RPH3A: variants seen among roughly 807,000 people sequenced by gnomAD.
RPH3A encodes rabphilin 3A, also known as rabphilin-3A.
In RPH3A, 48 loss-of-function variants were observed where a neutral mutation model predicts 102.2. The observed-to-expected ratio is 0.47, with a 90% confidence interval of 0.37 to 0.60. The LOEUF (loss-of-function observed/expected upper bound fraction) is 0.60, where lower values mean the gene tolerates loss of function less well. Among genes scored for constraint, RPH3A ranks in the 20% least tolerant of loss-of-function variants. RPH3A has a pLI of 0.00. For missense variants in RPH3A, 781 were observed against 910.1 expected, an observed-to-expected ratio of 0.86 and a Z score of 1.83; for synonymous variants, 310 against 324.3, an observed-to-expected ratio of 0.96 and a Z score of 0.47.
chr12:112,607,425 A>G (rs865783628), intron 1 of RPH3A, among the ~76,000 whole-genome samples: 1 of 152,346 alleles, frequency 6.6e-6, no homozygotes, highest in Middle Eastern at 3.4e-3. Context: ...ATTTATGTAC[A>G]TAATTACCCG....
chr12:112,840,497 A>T (rs2042123710), intron 4 of RPH3A, among the ~76,000 whole-genome samples: 2 of 152,112 alleles, frequency 1.3e-5, no homozygotes, highest in Non-Finnish European at 2.9e-5. Context: ...CTGGAAATGC[A>T]AATTCTCAAG....
chr12:112,740,031 T>G (rs2040697940), intron 1 of RPH3A, among the ~76,000 whole-genome samples: 2 of 152,156 alleles, frequency 1.3e-5, no homozygotes, highest in African/African-American at 4.8e-5. Flanking sequence ...GCTCCCTCCT[T>G]ACCCATGTAA....
intron 2 of RPH3A, among the ~76,000 whole-genome samples, chr12:112,821,666 A>G (rs967490764): frequency 2.0e-5 from 3 of 152,100 alleles, no homozygotes; most frequent in African/African-American, 7.2e-5. Flanking sequence ...CTTCCCCCCA[A>G]GTTCCCAATC....
intron 1 of RPH3A, among the ~76,000 whole-genome samples, chr12:112,589,154 G>A (rs113878734): frequency 0.014 from 2,153 of 151,692 alleles, 46 homozygotes; most frequent in African/African-American, 0.05. Flanking sequence ...GAGAGATGAG[G>A]CTGGAGGGGG....
At chr12:112,717,795 T>G (rs2040524230) in intron 1 of RPH3A, among the ~76,000 whole-genome samples, 1 of 152,080 alleles carries the variant, frequency 6.6e-6, no homozygotes, top group African/African-American at 2.4e-5. Context: ...TATGTTTAAC[T>G]TTATCACAAA....
rs911269904 is a variant in RPH3A at position 112,618,004 on chromosome 12, T to C, written c.-140+42685T>C. The stretch of plus-strand genomic sequence containing the variant: ...GTTCTACCTCTGGCATTTATCCTTT[T>C]GGAGTACTTTCTACATTTATGTATA... On this transcript the variant is annotated intron_variant, in intron 1 of 21. Transcript: ENST00000543106. 1.1e-4 allele frequency among the ~76,000 whole-genome samples: 16 copies of C among 152,364 alleles called. 1 individual carries two copies. The highest frequency in any genetic ancestry group is 3.6e-4 in the African/African-American group (15 of 41,576).
Position 112,678,300 on chromosome 12 carries a change from A to C in RPH3A, c.-140+102981A>C. 2.3e-5 allele frequency among the ~76,000 whole-genome samples: 2 copies of C among 88,188 alleles called. 1 individual carries two copies. Among genetic ancestry groups the C allele is most frequent in the Non-Finnish European group, 4.7e-5 (2 of 42,726 alleles). The allele number at this position is 88,188 out of a possible 152,430, so 57.9% of individuals were successfully genotyped here. ...AAGAAAGAAAGAAAGAAAGAAAGAA[A>C]GAAAGAGAGAGAGAGAGAAAGAAAG... On this transcript the variant is annotated intron_variant, in intron 1 of 21. Transcript: ENST00000543106.
At position 112,875,093 on chromosome 12, in the gene RPH3A, G is replaced by A. The variant is rs373497170; in HGVS notation, c.806G>A (p.Arg269Gln). The change falls in exon 11 of 22, where the codon CGG becomes CAG. Residue 269 changes from arginine to glutamine, a missense_variant. Physicochemically the swap from Arg to Gln is conservative, Grantham distance 43. Around this residue, in one of 2 missense-constraint regions of RPH3A, gnomAD observed 730 missense variants for 810.0 expected, o/e 0.90. Coordinates refer to ENST00000389385, the MANE Select transcript of RPH3A (RefSeq NM_001143854.2). ...DSSRSPAGLR[R>Q]ANSVQASRPA... The stretch of plus-strand genomic sequence containing the variant: ...TTTCTTTCCTCTGCAGGTTTGAGAC[G>A]GGCCAACTCAGTCCAGGCCTCCAGA... The A allele has an allele frequency of 4.2e-4, 680 of 1,608,248 alleles. 1 individual carries two copies. Among genetic ancestry groups the A allele is most frequent in the Non-Finnish European group, 4.7e-4 (548 of 1,177,930 alleles).
chr12:112,592,273 T>G (rs191068934), intron 1 of RPH3A, among the ~76,000 whole-genome samples: 249 of 152,244 alleles, frequency 1.6e-3, no homozygotes, highest in Middle Eastern at 6.8e-3. Flanking sequence ...AACAAATAGA[T>G]TAAAATTAAA....
chr12:112,788,049 A>C (rs554937636), upstream of RPH3A, among the ~76,000 whole-genome samples: 2 of 152,330 alleles, frequency 1.3e-5, no homozygotes, highest in Non-Finnish European at 2.9e-5. Context: ...TCCCTGCTGC[A>C]GTGCCACAGG....
chr12:112,729,064 A>C (rs566885490), intron 1 of RPH3A, among the ~76,000 whole-genome samples: 1 of 152,150 alleles, frequency 6.6e-6, no homozygotes, highest in Non-Finnish European at 1.5e-5. Flanking sequence ...ATGATAATGG[A>C]GCCTGAGATC....
Position 112,782,045 on chromosome 12 carries a change from G to A in RPH3A, c.-139-10098G>A, listed in dbSNP as rs191139931. ...TATGGAAGCTGAATTATGTGCAATG[G>A]GGGCAGAGAAGAGGAGGATCCAACC... On this transcript the variant is annotated intron_variant, in intron 1 of 21. Transcript: ENST00000543106. Among the ~76,000 whole-genome samples the A allele has an allele frequency of 2.7e-3, 404 of 152,372 alleles. 1 individual carries two copies. The highest frequency in any genetic ancestry group is 4.6e-3 in the Non-Finnish European group (314 of 68,036).
intron 3 of RPH3A, among the ~76,000 whole-genome samples, chr12:112,834,227 G>C (rs903345539): frequency 6.6e-6 from 1 of 152,132 alleles, no homozygotes; most frequent in Admixed American, 6.5e-5. Context: ...CATCCAGTGT[G>C]TACCCTTTTT....
intron 3 of RPH3A, among the ~76,000 whole-genome samples, chr12:112,831,173 C>T (rs1362070518): frequency 7.1e-6 from 1 of 141,700 alleles, no homozygotes; most frequent in Non-Finnish European, 1.5e-5. Context: ...TTTGCCGATC[C>T]ATTACATAGT....
chr12:112,646,520 G>T (rs900335347), intron 1 of RPH3A, among the ~76,000 whole-genome samples: 16 of 152,212 alleles, frequency 1.1e-4, no homozygotes, highest in African/African-American at 3.1e-4. Flanking sequence ...AGGTGTGGCA[G>T]TTGGAGGCTC....
At chr12:112,796,290 C>T (rs146502463) in intron 2 of RPH3A, among the ~76,000 whole-genome samples, 7 of 152,250 alleles carry the variant, frequency 4.6e-5, no homozygotes, top group Admixed American at 2.0e-4. Flanking sequence ...AGCTCTGAGC[C>T]GTGTATTTTC....
At chr12:112,583,215 G>A (rs1161342784) in intron 1 of RPH3A, among the ~76,000 whole-genome samples, 1 of 152,088 alleles carries the variant, frequency 6.6e-6, no homozygotes, top group Non-Finnish European at 1.5e-5. Flanking sequence ...TATCCTCAAC[G>A]ACAATAATAA....
Position 112,831,571 on chromosome 12 carries a change from T to C in RPH3A, c.71+3182T>C, listed in dbSNP as rs560220349. On this transcript the variant is annotated intron_variant, in intron 3 of 21. Coordinates refer to ENST00000389385, the MANE Select transcript of RPH3A (RefSeq NM_001143854.2). ...TTTTATACTGGCTTTTTTTTTTTAA[T>C]TTGCCTGTCTTCTAGTTTTTTGGTT... 2.5e-4 allele frequency among the ~76,000 whole-genome samples: 38 copies of C among 152,226 alleles called. No individual in the cohort carries two copies. In the South Asian group the frequency reaches 7.9e-3, roughly 32 times the overall value.
At chr12:112,741,800 G>T (rs1445087455) in intron 1 of RPH3A, among the ~76,000 whole-genome samples, 1 of 152,158 alleles carries the variant, frequency 6.6e-6, no homozygotes, top group Non-Finnish European at 1.5e-5. Flanking sequence ...TTTTGCCTGA[G>T]TCACTACATT....
Sources: gnomAD v4.1 joint callset for allele counts (sites outside exome capture counted in the v4.1 genomes callset) on GRCh38, gnomAD v4.1.1 for gene constraint, gnomAD v4.1.1 regional missense constraint, MANE v1.5 for transcripts, NCBI Gene and HGNC (gene_info 2026-07-23, HGNC 2026-07-21) for gene names.